Variants in UBE2H observed in about 807,000 individuals in gnomAD.
UBE2H encodes the protein ubiquitin conjugating enzyme E2 H.
UBE2H carries 3 observed loss-of-function variants against 29.0 expected under a neutral mutation model. That is an observed-to-expected ratio of 0.10 (90% CI 0.05 to 0.27). UBE2H has a LOEUF of 0.27. Ranked by LOEUF, UBE2H falls within the 10% of genes least tolerant of loss-of-function variation. The probability of loss-of-function intolerance (pLI) is 1.00; values close to 1 mark genes in which losing one functional copy is unlikely to be tolerated. For synonymous variants in UBE2H, 69 were observed against 82.9 expected, an observed-to-expected ratio of 0.83 and a Z score of 0.91; for missense variants, 68 against 228.2, an observed-to-expected ratio of 0.30 and a Z score of 4.52.
chr7:129,881,706 CT>C (rs529372362), intron 1 of UBE2H, among the ~76,000 whole-genome samples: 36 of 152,170 alleles, frequency 2.4e-4, no homozygotes, highest in Non-Finnish European at 4.1e-4. Context: ...TTTTCTCTCC[CT>C]TTCTACCCTC....
intron 5 of UBE2H, among the ~76,000 whole-genome samples, chr7:129,846,964 A>T (rs1445146068): frequency 6.6e-6 from 1 of 152,206 alleles, no homozygotes; most frequent in Non-Finnish European, 1.5e-5. Flanking sequence ...CATTTTAAGA[A>T]TTAGCTTTGT....
At chr7:129,913,009 C>T (rs1323296767) in intron 1 of UBE2H, among the ~76,000 whole-genome samples, 4 of 152,090 alleles carry the variant, frequency 2.6e-5, no homozygotes, top group Non-Finnish European at 4.4e-5. Flanking sequence ...CCAGCACTTT[C>T]GGAGGCCAAG....
At chr7:129,889,411 A>C (rs538681146) in intron 1 of UBE2H, among the ~76,000 whole-genome samples, 3 of 152,336 alleles carry the variant, frequency 2.0e-5, no homozygotes, top group African/African-American at 7.2e-5. Flanking sequence ...ACAATGTCTA[A>C]TTTTCATGAC....
At chr7:129,942,911 C>T (rs1202478712) in intron 1 of UBE2H, among the ~76,000 whole-genome samples, 2 of 151,112 alleles carry the variant, frequency 1.3e-5, no homozygotes, top group Non-Finnish European at 3.0e-5. Flanking sequence ...GGCATAATCT[C>T]GGCTCACCAC....
intron 1 of UBE2H, among the ~76,000 whole-genome samples, chr7:129,885,627 T>G (rs985150114): frequency 2.0e-5 from 3 of 152,212 alleles, no homozygotes; most frequent in Non-Finnish European, 2.9e-5. Context: ...TCTTTAATTA[T>G]ATATCACATC....
chr7:129,879,910 G>T (rs1164052512), intron 2 of UBE2H, among the ~76,000 whole-genome samples: 3 of 152,136 alleles, frequency 2.0e-5, no homozygotes, highest in African/African-American at 7.2e-5. Context: ...TATTTGGTAA[G>T]TAATAGCCAT....
chr7:129,847,062 C>T (rs1030631688), intron 5 of UBE2H, among the ~76,000 whole-genome samples: 5 of 151,712 alleles, frequency 3.3e-5, no homozygotes, highest in African/African-American at 9.7e-5. Context: ...CTCTATCTCC[C>T]CAGGCTGGAG....
chr7:129,941,569 A>C (rs1317594053), intron 1 of UBE2H, among the ~76,000 whole-genome samples: 1 of 152,082 alleles, frequency 6.6e-6, no homozygotes, highest in Non-Finnish European at 1.5e-5. Flanking sequence ...AGCCAAACTA[A>C]AAGTTCCAGC....
intron 3 of UBE2H, among the ~76,000 whole-genome samples, chr7:129,864,192 G>A (rs1805853466): frequency 6.6e-6 from 1 of 152,160 alleles, no homozygotes; most frequent in Non-Finnish European, 1.5e-5. Flanking sequence ...CAGTGTTTCT[G>A]GCAAAGCCAT....
chr7:129,881,597 G>A (rs557426857), intron 1 of UBE2H, among the ~76,000 whole-genome samples: 5 of 151,394 alleles, frequency 3.3e-5, no homozygotes, highest in Admixed American at 1.3e-4. Flanking sequence ...GCAGTGAGCC[G>A]AGATCACATC....
intron 1 of UBE2H, among the ~76,000 whole-genome samples, chr7:129,882,985 C>G (rs1007192455): frequency 4.0e-5 from 6 of 151,668 alleles, no homozygotes; most frequent in Non-Finnish European, 4.4e-5. Context: ...TACAAAGCAG[C>G]AAGAAAAAAA....
At chr7:129,916,722 C>A (rs1807050960) in intron 1 of UBE2H, among the ~76,000 whole-genome samples, 1 of 152,158 alleles carries the variant, frequency 6.6e-6, no homozygotes, top group Non-Finnish European at 1.5e-5. Flanking sequence ...ATGTACACGG[C>A]TAATGGCCAA....
chr7:129,845,076 G>A (rs984465493), intron 5 of UBE2H, among the ~76,000 whole-genome samples: 3 of 152,210 alleles, frequency 2.0e-5, no homozygotes, highest in Non-Finnish European at 2.9e-5. Context: ...GTTGTAGTGA[G>A]CTGAGATTGT....
chr7:129,918,916 C>T (rs1047286753), intron 1 of UBE2H, among the ~76,000 whole-genome samples: 1 of 151,842 alleles, frequency 6.6e-6, no homozygotes, highest in Non-Finnish European at 1.5e-5. Context: ...AACCCCATCT[C>T]TACAAAAAAA....
At chr7:129,867,740 A>AAAAAAAAACAAAAAAAAAAAAAAAAG (rs768415224) in intron 3 of UBE2H, among the ~76,000 whole-genome samples, 2 of 138,310 alleles carry the variant, frequency 1.4e-5, no homozygotes, top group Non-Finnish European at 3.1e-5. Context: ...AAAAAAAAAA[A>AAAAAAAAACAAAAAAAAAAAAAAAAG]AAGAAGACCA....
intron 1 of UBE2H, among the ~76,000 whole-genome samples, chr7:129,887,303 C>A (rs1000124158): frequency 6.6e-6 from 1 of 150,738 alleles, no homozygotes; most frequent in Admixed American, 6.6e-5. Flanking sequence ...CTCACCACAA[C>A]CTCGGCCTCC....
At chr7:129,898,386 T>TAATCA (rs1806641998) in intron 1 of UBE2H, among the ~76,000 whole-genome samples, 2 of 152,182 alleles carry the variant, frequency 1.3e-5, no homozygotes, top group African/African-American at 4.8e-5. Flanking sequence ...GAAACCAACC[T>TAATCA]AATCACTTAA....
chr7:129,888,700 C>A (rs770142610), intron 1 of UBE2H, among the ~76,000 whole-genome samples: 4 of 152,136 alleles, frequency 2.6e-5, no homozygotes, highest in Admixed American at 6.5e-5. Context: ...GTCTTGAACT[C>A]CTGACCTCAA....
intron 1 of UBE2H, among the ~76,000 whole-genome samples, chr7:129,920,305 ACAAAAAAGG>A (rs1483836934): frequency 6.6e-6 from 1 of 152,180 alleles, no homozygotes; most frequent in African/African-American, 2.4e-5. Context: ...TGTCTAGTGA[ACAAAAAAGG>A]CTTGAAAAAC....
Sources: allele counts gnomAD v4.1 joint callset (sites outside exome capture counted in the v4.1 genomes callset), GRCh38; gene constraint gnomAD v4.1.1; transcripts MANE v1.5; gene names NCBI Gene and HGNC (gene_info 2026-07-23, HGNC 2026-07-21).